The following MAP2K4 variants were observed in gnomAD, a reference collection of about 807,000 sequenced individuals.
The protein encoded by MAP2K4 is mitogen-activated protein kinase kinase 4, also known as dual specificity mitogen-activated protein kinase kinase 4.
Under a neutral mutation model 48.5 loss-of-function variants are expected in MAP2K4, and 4 were observed. The observed-to-expected ratio is 0.08, with a 90% confidence interval of 0.04 to 0.19. MAP2K4 has a LOEUF of 0.19. Among genes scored for constraint, MAP2K4 ranks in the 10% least tolerant of loss-of-function variants. The pLI, the probability that MAP2K4 is intolerant of heterozygous loss-of-function variation, is 1.00. For synonymous variants in MAP2K4, 166 were observed against 173.1 expected (o/e 0.96, Z 0.32); for missense variants, 258 against 493.3 (o/e 0.52, Z 4.52).
At chr17:12,050,870 G>A (rs1970120341) in intron 1 of MAP2K4, among the ~76,000 whole-genome samples, 1 of 152,176 alleles carries the variant, frequency 6.6e-6, no homozygotes, top group African/African-American at 2.4e-5. Context: ...GGATACACTT[G>A]ACCAATCCCT....
chr17:12,048,387 A>G (rs147442398), intron 1 of MAP2K4, among the ~76,000 whole-genome samples: 149 of 152,292 alleles, frequency 9.8e-4, no homozygotes, highest in Non-Finnish European at 1.9e-3. Context: ...CTGTTGGGAT[A>G]TTTACTTGAT....
intron 2 of MAP2K4, among the ~76,000 whole-genome samples, chr17:12,073,058 TAAGAAACA>T (rs1970872210): frequency 6.6e-6 from 1 of 152,228 alleles, no homozygotes; most frequent in African/African-American, 2.4e-5. Flanking sequence ...AAATATTTAT[TAAGAAACA>T]AAGATGAAAA....
chr17:12,057,301 T>G (rs1297285477), intron 2 of MAP2K4, among the ~76,000 whole-genome samples: 1 of 152,214 alleles, frequency 6.6e-6, no homozygotes, highest in African/African-American at 2.4e-5. Context: ...TACTGGATTT[T>G]GAAAGACAGG....
chr17:12,103,039 TAAAA>T (rs555398450), intron 4 of MAP2K4, among the ~76,000 whole-genome samples: 7 of 126,404 alleles, frequency 5.5e-5, no homozygotes, highest in East Asian at 4.5e-4. Flanking sequence ...TTCTTATCTT[TAAAA>T]AAAAAAAAAA....
At chr17:12,137,643 GTAAT>G (rs1973247464) in intron 9 of MAP2K4, among the ~76,000 whole-genome samples, 1 of 152,154 alleles carries the variant, frequency 6.6e-6, no homozygotes, top group Admixed American at 6.5e-5. Context: ...TAAGATGCAT[GTAAT>G]GGAAATAAAG....
chr17:12,138,026 C>G (rs1240437142), intron 9 of MAP2K4, among the ~76,000 whole-genome samples: 3 of 152,028 alleles, frequency 2.0e-5, no homozygotes, highest in Non-Finnish European at 2.9e-5. Context: ...ATAAGACTAA[C>G]AGCAGATTTG....
rs541396988 is a variant in MAP2K4 at position 12,141,408 on chromosome 17, C to G, written c.*148C>G. 3.1e-6 allele frequency: 2 copies of G among 654,538 alleles called. No individual in the cohort carries two copies. Among genetic ancestry groups the G allele is most frequent in the East Asian group, 5.3e-5 (2 of 37,464 alleles). The allele number at this position is 654,538 out of a possible 1,614,324, so 40.5% of individuals were successfully genotyped here. ...TCGTTTCCATCATGTCTGTATACTC[C>G]TGTCACCTAGAACGTGCATCCTTGT... On this transcript the variant is annotated 3_prime_UTR_variant, in exon 11 of 11. Coordinates refer to ENST00000353533, the MANE Select transcript of MAP2K4 (RefSeq NM_003010.4).
At chr17:12,074,831 G>A (rs769268984) in intron 2 of MAP2K4, among the ~76,000 whole-genome samples, 12 of 152,234 alleles carry the variant, frequency 7.9e-5, no homozygotes, top group Non-Finnish European at 1.5e-4. Flanking sequence ...CTCTTCAGCA[G>A]TAAGCTGGGG....
At chr17:12,099,556 A>G (rs546629984) in intron 4 of MAP2K4, among the ~76,000 whole-genome samples, 24 of 152,294 alleles carry the variant, frequency 1.6e-4, no homozygotes, top group East Asian at 9.6e-4. Flanking sequence ...TGTTGCCACT[A>G]TCTTCAACCA....
chr17:12,056,461 T>C (rs993910348), intron 2 of MAP2K4, among the ~76,000 whole-genome samples: 1 of 152,136 alleles, frequency 6.6e-6, no homozygotes, highest in African/African-American at 2.4e-5. Context: ...TGTTCTTAAC[T>C]AATGTTTTAT....
intron 1 of MAP2K4, among the ~76,000 whole-genome samples, chr17:12,039,663 G>A (rs565452480): frequency 6.6e-6 from 1 of 152,152 alleles, no homozygotes; most frequent in South Asian, 2.1e-4. Flanking sequence ...TTACTAGATA[G>A]CTACTCAATG....
intron 3 of MAP2K4, among the ~76,000 whole-genome samples, chr17:12,088,568 A>AATATATATAATATATAATATATAAT (rs370589423): frequency 7.5e-6 from 1 of 133,196 alleles, no homozygotes; most frequent in Non-Finnish European, 1.6e-5. Context: ...ATATATATTA[A>AATATATATAATATATAATATATAAT]ATATATAATA....
At chr17:12,049,006 C>T (rs570691742) in intron 1 of MAP2K4, among the ~76,000 whole-genome samples, 1 of 151,960 alleles carries the variant, frequency 6.6e-6, no homozygotes, top group Admixed American at 6.6e-5. Flanking sequence ...CTCTCATTAC[C>T]GTAGTAATTT....
At chr17:12,104,202 A>T (rs1331003328) in intron 4 of MAP2K4, among the ~76,000 whole-genome samples, 1 of 152,198 alleles carries the variant, frequency 6.6e-6, no homozygotes, top group Non-Finnish European at 1.5e-5. Context: ...CTCATGATCC[A>T]CATTGGCTCC....
intron 4 of MAP2K4, among the ~76,000 whole-genome samples, chr17:12,099,536 G>T (rs995712870): frequency 1.3e-5 from 2 of 152,080 alleles, no homozygotes; most frequent in African/African-American, 4.8e-5. Flanking sequence ...ACTGAAGTTG[G>T]TAACTTCTAT....
At chr17:12,039,483 G>A (rs1465177187) in intron 1 of MAP2K4, among the ~76,000 whole-genome samples, 1 of 152,102 alleles carries the variant, frequency 6.6e-6, no homozygotes, top group African/African-American at 2.4e-5. Flanking sequence ...CCAACATATA[G>A]CCAATCTTAT....
intron 2 of MAP2K4, among the ~76,000 whole-genome samples, chr17:12,062,041 C>T (rs1477549879): frequency 1.3e-5 from 2 of 151,660 alleles, no homozygotes; most frequent in East Asian, 1.9e-4. Flanking sequence ...ATCAGTTGGT[C>T]ACTCAGTTCT....
chr17:12,100,260 C>G lies in MAP2K4; in HGVS notation c.513+4566C>G, dbSNP rs968793975. The stretch of plus-strand genomic sequence containing the variant: ...TCCCCATTCTCAGATAACCACTGAC[C>G]TGCTTTATGCCATTATAGATTAATT... On this transcript the variant is annotated intron_variant, in intron 4 of 10. Transcript: ENST00000353533. Among the ~76,000 whole-genome samples the G allele has an allele frequency of 1.4e-4, 21 of 152,198 alleles. No individual in the cohort carries two copies. The South Asian group carries it at 2.3e-3, about 17-fold the overall frequency.
chr17:12,076,365 T>C (rs1177497592), intron 2 of MAP2K4, among the ~76,000 whole-genome samples: 2 of 149,428 alleles, frequency 1.3e-5, no homozygotes, highest in Non-Finnish European at 3.0e-5. Flanking sequence ...ACTAGTAGAT[T>C]AGTCTGGGTC....
Sources: allele counts gnomAD v4.1 joint callset (sites outside exome capture counted in the v4.1 genomes callset), GRCh38; gene constraint gnomAD v4.1.1; transcripts MANE v1.5; gene names NCBI Gene and HGNC (gene_info 2026-07-23, HGNC 2026-07-21).